LRRTM3: variants seen among roughly 807,000 people sequenced by gnomAD.
LRRTM3 encodes the protein leucine rich repeat transmembrane neuronal 3.
LRRTM3 carries 24 observed loss-of-function variants against 44.7 expected under a neutral mutation model. The ratio of observed to expected loss-of-function variants is 0.54; its 90% CI spans 0.39 to 0.76. The LOEUF is 0.76. Ranked by LOEUF, LRRTM3 falls within the 30% of genes least tolerant of loss-of-function variation. LRRTM3 has a pLI of 0.00. For synonymous variants in LRRTM3, 277 were observed against 278.7 expected, an observed-to-expected ratio of 0.99 and a Z score of 0.06; for missense variants, 587 against 702.2, an observed-to-expected ratio of 0.84 and a Z score of 1.85.
chr10:66,939,551 A>T (rs76553409), intron 2 of LRRTM3, among the ~76,000 whole-genome samples: 5,739 of 152,180 alleles, frequency 0.038, 140 homozygotes, highest in Middle Eastern at 0.078. Flanking sequence ...TAATTTTGTA[A>T]ATTATAGTTT....
At chr10:67,003,210 CTATGCT>C (rs1269293679) in intron 2 of LRRTM3, among the ~76,000 whole-genome samples, 1 of 152,130 alleles carries the variant, frequency 6.6e-6, no homozygotes, top group Non-Finnish European at 1.5e-5. Flanking sequence ...GGCACAGTGC[CTATGCT>C]TATGACTAAT....
chr10:67,015,038 T>C (rs970744869), intron 2 of LRRTM3, among the ~76,000 whole-genome samples: 1 of 152,094 alleles, frequency 6.6e-6, no homozygotes, highest in African/African-American at 2.4e-5. Flanking sequence ...ACAAGGGCAC[T>C]CCAAAGTTGA....
At position 67,101,353 on chromosome 10, in the gene LRRTM3, A is replaced by C. The variant is rs1341586664; in HGVS notation, c.*3557A>C. ...ATGTTCAATTCGGAGCTAATTGGGA[A>C]GACTTACATAAAATTCTTTTTCTTT... On this transcript the variant is annotated 3_prime_UTR_variant, in exon 3 of 3. Coordinates refer to ENST00000361320, the MANE Select transcript of LRRTM3 (RefSeq NM_178011.5). Among the ~76,000 whole-genome samples, 1 of 151,774 alleles carries C rather than the reference A, an allele frequency of 6.6e-6. No homozygotes were observed. Among genetic ancestry groups the C allele is most frequent in the Non-Finnish European group, 1.5e-5 (1 of 67,802 alleles).
intron 2 of LRRTM3, among the ~76,000 whole-genome samples, chr10:67,057,681 T>C (rs7098801): frequency 0.12 from 17,865 of 152,148 alleles, 1,415 homozygotes; most frequent in African/African-American, 0.22. Flanking sequence ...GTTGTAAGTT[T>C]GCTGAACTGG....
chr10:66,970,109 G>A (rs1849636546), intron 2 of LRRTM3, among the ~76,000 whole-genome samples: 1 of 151,876 alleles, frequency 6.6e-6, no homozygotes, highest in Non-Finnish European at 1.5e-5. Flanking sequence ...AAAATCCCAG[G>A]GCCACTCATG....
chr10:66,964,318 T>G (rs1849284149), intron 2 of LRRTM3, among the ~76,000 whole-genome samples: 4 of 151,940 alleles, frequency 2.6e-5, no homozygotes, highest in African/African-American at 7.3e-5. Context: ...ATGTTTACAT[T>G]GGTGGGGGAG....
At chr10:67,064,068 C>A (rs1240778008) in intron 2 of LRRTM3, among the ~76,000 whole-genome samples, 1 of 152,182 alleles carries the variant, frequency 6.6e-6, no homozygotes, top group Non-Finnish European at 1.5e-5. Flanking sequence ...TTCAGCTTTT[C>A]ACTTAATAGT....
intron 2 of LRRTM3, among the ~76,000 whole-genome samples, chr10:66,946,751 A>C (rs1341659813): frequency 6.6e-6 from 1 of 151,626 alleles, no homozygotes; most frequent in East Asian, 1.9e-4. Context: ...GTCCCTCCCC[A>C]TTTTCTCTCC....
chr10:67,065,938 CA>C (rs10714806), intron 2 of LRRTM3, among the ~76,000 whole-genome samples: 77,541 of 147,960 alleles, frequency 0.52, 20,163 homozygotes, highest in Middle Eastern at 0.65. Context: ...GGCTGCCATT[CA>C]AAAAAAAAAA....
At chr10:66,934,340 G>A (rs1847574334) in intron 2 of LRRTM3, among the ~76,000 whole-genome samples, 1 of 151,800 alleles carries the variant, frequency 6.6e-6, no homozygotes, top group South Asian at 2.1e-4. Context: ...CTCTTAAATT[G>A]TTCTCCTTAT....
chr10:66,945,737 G>C (rs992402873), intron 2 of LRRTM3, among the ~76,000 whole-genome samples: 1 of 152,152 alleles, frequency 6.6e-6, no homozygotes, highest in Non-Finnish European at 1.5e-5. Context: ...TTTCAAGTGA[G>C]ATAAATGTGA....
intron 2 of LRRTM3, among the ~76,000 whole-genome samples, chr10:67,083,239 G>A (rs1239202469): frequency 6.6e-6 from 1 of 151,988 alleles, no homozygotes; most frequent in Non-Finnish European, 1.5e-5. Context: ...AGTGTCTAAA[G>A]TGCAGGCTTA....
At chr10:66,993,372 G>A (rs890650030) in intron 2 of LRRTM3, among the ~76,000 whole-genome samples, 4 of 152,106 alleles carry the variant, frequency 2.6e-5, no homozygotes, top group Admixed American at 6.6e-5. Flanking sequence ...TTAAAAGAAG[G>A]TAAAGTAGAC....
At position 67,099,503 on chromosome 10, in the gene LRRTM3, T is replaced by G. The variant is rs2131939405; in HGVS notation, c.*1707T>G. On this transcript the variant is annotated 3_prime_UTR_variant, in exon 3 of 3. Transcript: ENST00000361320. ...AAACAATGTCAAACTTTTAAATTTT[T>G]ATCTCTTCCAAAGAAGTTATATCTA... 1 of 152,286 alleles carries G rather than the reference T, an allele frequency of 6.6e-6. No homozygotes were observed. Among genetic ancestry groups the G allele is most frequent in the Non-Finnish European group, 1.5e-5 (1 of 67,778 alleles). The allele number at this position is 152,286 out of a possible 1,614,324, so 9.4% of individuals were successfully genotyped here.
chr10:67,020,623 AG>A (rs1852947186), intron 2 of LRRTM3, among the ~76,000 whole-genome samples: 1 of 152,214 alleles, frequency 6.6e-6, no homozygotes, highest in African/African-American at 2.4e-5. Flanking sequence ...AGATTGCTTA[AG>A]GACAGCCCCT....
At chr10:66,963,400 T>A (rs761930259) in intron 2 of LRRTM3, among the ~76,000 whole-genome samples, 1 of 152,202 alleles carries the variant, frequency 6.6e-6, no homozygotes. Flanking sequence ...GCATCTTAAA[T>A]GAAATTATAT....
intron 2 of LRRTM3, among the ~76,000 whole-genome samples, chr10:67,067,398 C>T (rs1237838315): frequency 2.0e-5 from 3 of 152,168 alleles, no homozygotes; most frequent in Admixed American, 6.5e-5. Flanking sequence ...CTCGTATTCA[C>T]TTTTTCCCTT....
intron 2 of LRRTM3, among the ~76,000 whole-genome samples, chr10:66,947,884 C>A (rs1456686509): frequency 6.6e-6 from 1 of 152,144 alleles, no homozygotes; most frequent in African/African-American, 2.4e-5. Context: ...GCAATTTTGT[C>A]ATTGTGCGAA....
In LRRTM3 at chr10:67,098,982, A is replaced by C. The variant is rs1486836035; in HGVS notation, c.*1186A>C. The C allele has an allele frequency of 6.6e-6, 1 of 151,914 alleles. No individual in the cohort carries two copies. The allele number at this position is 151,914 out of a possible 1,614,324, so 9.4% of individuals were successfully genotyped here. Reference sequence around the variant, plus strand: ...CACTACATCATTTCTCTCCTGAGGAAGAATTTTAAACATGTACAGCTCATT... The same window carrying C: ...CACTACATCATTTCTCTCCTGAGGACGAATTTTAAACATGTACAGCTCATT... On this transcript the variant is annotated 3_prime_UTR_variant, in exon 3 of 3. Transcript: ENST00000361320.
Sources: gnomAD v4.1 joint callset for allele counts (sites outside exome capture counted in the v4.1 genomes callset) on GRCh38, gnomAD v4.1.1 for gene constraint, MANE v1.5 for transcripts, NCBI Gene and HGNC (gene_info 2026-07-23, HGNC 2026-07-21) for gene names.